TASOR: variants seen among roughly 807,000 people sequenced by gnomAD.
The protein encoded by TASOR is transcription activation suppressor.
Under a neutral mutation model 178.6 loss-of-function variants are expected in TASOR, and 53 were observed. The ratio of observed to expected loss-of-function variants is 0.30; its 90% confidence interval spans 0.24 to 0.37. The LOEUF (loss-of-function observed/expected upper bound fraction) is 0.37, where lower values mean the gene tolerates loss of function less well. TASOR is among the 10% of genes least tolerant of loss of function. The pLI, the probability that TASOR is intolerant of heterozygous loss-of-function variation, is 1.00. For synonymous variants in TASOR, 713 were observed against 696.2 expected (o/e 1.02, Z -0.38); for missense variants, 1,815 against 1,971.4 (o/e 0.92, Z 1.50).
chr3:56,621,169 C>CAAA lies in TASOR; in HGVS notation c.*1865_*1867dup, dbSNP rs201468649. 6.8e-3 allele frequency: 877 copies of CAAA among 129,844 alleles called. 13 individuals are homozygous for CAAA. Among genetic ancestry groups the CAAA allele is most frequent in the African/African-American group, 0.024 (816 of 34,060 alleles). The allele number at this position is 129,844 out of a possible 1,614,324, so 8.0% of individuals were successfully genotyped here. A position where few individuals can be genotyped will look rare whatever the true frequency, so the allele number is the denominator to read the frequency against. On this transcript the variant is annotated 3_prime_UTR_variant, in exon 24 of 24. Transcript: ENST00000683822. ...GCGAGACTCCATCTCCAAAAAAAAA[C>CAAA]AAAACAACAACAACAAAAAAAAAAC...
At chr3:56,630,226 G>A (rs976824721) in intron 18 of TASOR, among the ~76,000 whole-genome samples, 1 of 152,116 alleles carries the variant, frequency 6.6e-6, no homozygotes, top group Admixed American at 6.5e-5. Context: ...CAGCCTCCCT[G>A]CTGGTAATCT....
chr3:56,633,262 T>C lies in TASOR; in HGVS notation c.3529A>G (p.Ile1177Val). The C allele has an allele frequency of 2.5e-6, 4 of 1,614,178 alleles. No homozygotes were observed. The highest frequency in any genetic ancestry group is 2.5e-6 in the Non-Finnish European group (3 of 1,180,032). ...ATELMVTSDH[I>V]VPGDMAREPV... ...TCCCGGGCCATATCACCAGGTACAA[T>C]ATGATCAGAAGTCACCATTAACTCT... The change falls in exon 18 of 24, where the codon ATT becomes GTT. Residue 1177 changes from isoleucine to valine, a missense_variant. Around this residue, in one of 5 missense-constraint regions of TASOR, gnomAD observed 655 missense variants for 671.1 expected, o/e 0.98. Transcript: ENST00000683822.
In TASOR at chr3:56,668,556, A is replaced by C; in HGVS notation, c.738T>G (p.Gly246=). ...TGGGGTCATATATACTCTTTATTTTACCCTAAAATAGAGAAAACCTTTTAA... is the reference window on the plus strand; with the variant it reads ...TGGGGTCATATATACTCTTTATTTTCCCCTAAAATAGAGAAAACCTTTTAA... ...GDVVIFKIMK[G]KIKSIYDPMG... The change falls in exon 6 of 24, where the codon GGT becomes GGG. Residue 246 remains glycine (G), a splice_region_variant and synonymous_variant. Coordinates refer to ENST00000683822, the MANE Select transcript of TASOR (RefSeq NM_001365635.2). The C allele has an allele frequency of 6.5e-7, 1 of 1,536,568 alleles. No homozygotes were observed. Among genetic ancestry groups the C allele is most frequent in the Non-Finnish European group, 8.8e-7 (1 of 1,141,880 alleles).
At chr3:56,664,442 C>A (rs1354346725) in intron 7 of TASOR, 1 of 152,102 alleles carries the variant, frequency 6.6e-6, no homozygotes, top group Non-Finnish European at 1.5e-5. Flanking sequence ...TTTAGAGCCA[C>A]AAAAAATGAA....
At chr3:56,624,086 T>C (rs1268607754) in intron 23 of TASOR, among the ~76,000 whole-genome samples, 1 of 152,234 alleles carries the variant, frequency 6.6e-6, no homozygotes, top group Non-Finnish European at 1.5e-5. Context: ...AATTGCTTTA[T>C]GCATGTGGGG....
At chr3:56,661,882 C>G (rs762444945) in intron 9 of TASOR, among the ~76,000 whole-genome samples, 1 of 152,026 alleles carries the variant, frequency 6.6e-6, no homozygotes, top group Non-Finnish European at 1.5e-5. Context: ...CCCAACACTT[C>G]GTGAGGCCAA....
chr3:56,649,155 T>A (rs1381500685), intron 11 of TASOR, 98 bp from the exon 12 acceptor site: 12 of 806,296 alleles, frequency 1.5e-5, no homozygotes, highest in Non-Finnish European at 2.0e-5. Context: ...AGAAAAAAAG[T>A]TCTTAATCAT....
intron 1 of TASOR, 22 bp from the exon 2 acceptor site, chr3:56,673,747 T>C (rs1217503785): frequency 1.3e-6 from 2 of 1,531,636 alleles, no homozygotes; most frequent in African/African-American, 2.8e-5. Flanking sequence ...AAACAAACAT[T>C]TAAAATGTTT....
chr3:56,660,842 AAG>A lies in TASOR; in HGVS notation c.1265-10_1265-9del, dbSNP rs2077578548. ...ACATTCCATTCTTCAAAACTGACAT[AAG>A]AAAAATACATAGTAAATATCCAAAT... is the stretch of plus-strand genomic sequence containing the variant. On this transcript the variant is annotated splice_polypyrimidine_tract_variant and intron_variant, in intron 10 of 23. Transcript: ENST00000683822. 3 of 1,612,542 alleles carry A rather than the reference AAG, an allele frequency of 1.9e-6. No homozygotes were observed. The highest frequency in any genetic ancestry group is 8.5e-7 in the Non-Finnish European group (1 of 1,179,298).
At chr3:56,635,500 G>A (rs1257045914) in intron 17 of TASOR, among the ~76,000 whole-genome samples, 1 of 152,092 alleles carries the variant, frequency 6.6e-6, no homozygotes, top group Admixed American at 6.5e-5. Context: ...TAAGTGTTCC[G>A]GGCTGGGGCA....
In TASOR at chr3:56,669,805, A is replaced by C. The variant is rs916374785; in HGVS notation, c.644-14T>G. 5 of 1,501,210 alleles carry C rather than the reference A, an allele frequency of 3.3e-6. No individual in the cohort carries two copies. Among genetic ancestry groups the C allele is most frequent in the Non-Finnish European group, 4.5e-6 (5 of 1,116,378 alleles). 93.0% of individuals were successfully genotyped at this position (1,501,210 alleles called of 1,614,324 possible). A position where few individuals can be genotyped will look rare whatever the true frequency, so the allele number is the denominator to read the frequency against. Reference sequence around the variant, plus strand: ...AAAGATAGACACCTAGAAAAGACGGAAAAATTAAGGAAACTGATTATATTT... The same window carrying C: ...AAAGATAGACACCTAGAAAAGACGGCAAAATTAAGGAAACTGATTATATTT... On this transcript the variant is annotated splice_polypyrimidine_tract_variant and intron_variant, in intron 4 of 23. Transcript: ENST00000683822.
intron 16 of TASOR, among the ~76,000 whole-genome samples, chr3:56,639,375 A>AT (rs2077077019): frequency 6.6e-6 from 1 of 151,302 alleles, no homozygotes; most frequent in African/African-American, 2.4e-5. Flanking sequence ...ATGTGTGTGT[A>AT]TGTATGTGTT....
chr3:56,641,072 TTC>T (rs2077113187), intron 15 of TASOR, among the ~76,000 whole-genome samples: 1 of 151,098 alleles, frequency 6.6e-6, no homozygotes. Flanking sequence ...AATAAGCCAT[TTC>T]TGACAAATAT....
At chr3:56,640,986 TTC>T (rs2077110476) in intron 15 of TASOR, among the ~76,000 whole-genome samples, 1 of 152,194 alleles carries the variant, frequency 6.6e-6, no homozygotes, top group Admixed American at 6.5e-5. Flanking sequence ...CACCTTTGGG[TTC>T]TCTGTTACTG....
chr3:56,660,444 T>C (rs554175527), intron 11 of TASOR, among the ~76,000 whole-genome samples: 4 of 135,044 alleles, frequency 3.0e-5, no homozygotes, highest in African/African-American at 1.2e-4. Flanking sequence ...TGAGCCAAGA[T>C]CACGCCACTG....
intron 16 of TASOR, 64 bp from the exon 17 acceptor site, chr3:56,638,829 A>T: frequency 6.8e-7 from 1 of 1,474,222 alleles, no homozygotes; most frequent in Non-Finnish European, 9.5e-7. Context: ...AGCACCTTTC[A>T]GACAACCCCA....
intron 17 of TASOR, among the ~76,000 whole-genome samples, chr3:56,637,641 A>G (rs148907933): frequency 6.6e-6 from 1 of 152,024 alleles, no homozygotes; most frequent in Admixed American, 6.5e-5. Flanking sequence ...TTCTTCAAGG[A>G]AACTAGTAAC....
intron 6 of TASOR, among the ~76,000 whole-genome samples, chr3:56,667,560 G>A (rs2030174593): frequency 1.3e-5 from 2 of 152,178 alleles, no homozygotes; most frequent in Admixed American, 1.3e-4. Flanking sequence ...GGGAGGCTGA[G>A]GCAGGAGAAT....
intron 11 of TASOR, among the ~76,000 whole-genome samples, chr3:56,658,735 C>T (rs1032640586): frequency 6.6e-6 from 1 of 152,050 alleles, no homozygotes; most frequent in Non-Finnish European, 1.5e-5. Flanking sequence ...GATAAAACCC[C>T]GTCTCTACTA....
Sources: gnomAD v4.1 joint callset for allele counts (sites outside exome capture counted in the v4.1 genomes callset) on GRCh38, gnomAD v4.1.1 for gene constraint, gnomAD v4.1.1 regional missense constraint, MANE v1.5 for transcripts, NCBI Gene and HGNC (gene_info 2026-07-23, HGNC 2026-07-21) for gene names.